The following DOCK3 variants were observed in gnomAD, a reference collection of about 807,000 sequenced individuals.
The protein encoded by DOCK3 is dedicator of cytokinesis 3, also known as dedicator of cytokinesis protein 3.
A neutral mutation model predicts 265.6 loss-of-function variants in DOCK3; 60 were observed. The ratio of observed to expected loss-of-function variants is 0.23; its 90% CI spans 0.18 to 0.28. The LOEUF is 0.28. Ranked by LOEUF, DOCK3 falls within the 10% of genes least tolerant of loss-of-function variation. The pLI is 1.00. For synonymous variants in DOCK3, 881 were observed against 938.0 expected (o/e 0.94, Z 1.11); for missense variants, 1,981 against 2,594.3 (o/e 0.76, Z 5.14).
chr3:50,753,975 G>A (rs2039996594), intron 1 of DOCK3, among the ~76,000 whole-genome samples: 1 of 151,972 alleles, frequency 6.6e-6, no homozygotes, highest in Admixed American at 6.6e-5. Context: ...GGCCAACATA[G>A]TGAAACCCCG....
rs746356595 is a variant in DOCK3, at chr3:51,214,179, A to G, written c.1184A>G (p.Asn395Ser). The change falls in exon 14 of 53, where the codon AAT becomes AGT. Residue 395 changes from asparagine (N) to serine (S), a missense_variant. Asn to Ser is a conservative substitution (Grantham distance 46, BLOSUM62 1). This residue lies in a region of DOCK3 where 456 missense variants were observed against 539.0 expected (regional missense o/e 0.85). Coordinates refer to ENST00000266037, the MANE Select transcript of DOCK3 (RefSeq NM_004947.5). ...GACATGGAACAGATTCGGAGAGAAA[A>G]TCCCATGATATTTAATAGGGGATTG... The part of the protein sequence containing the change: ...RGDMEQIRRE[N>S]PMIFNRGLAI... 1.9e-6 allele frequency: 3 copies of G among 1,613,838 alleles called. No homozygotes were observed. The South Asian group carries it at 3.3e-5, about 18-fold the overall frequency.
chr3:51,079,958 CCTGTTGTCTTCTTGTGTCA>C, intron 7 of DOCK3, among the ~76,000 whole-genome samples: 1 of 152,092 alleles, frequency 6.6e-6, no homozygotes, highest in Non-Finnish European at 1.5e-5. Context: ...TTTGTGTTTG[CCTGTTGTCTTCTTGTGTCA>C]ATTAATATTT....
At chr3:50,976,928 G>A (rs1371946266) in intron 5 of DOCK3, among the ~76,000 whole-genome samples, 1 of 150,130 alleles carries the variant, frequency 6.7e-6, no homozygotes, top group Non-Finnish European at 1.5e-5. Context: ...GATCTTTATT[G>A]GTTTAAAGTC....
At chr3:51,352,839 A>C (rs1002833966) in intron 40 of DOCK3, among the ~76,000 whole-genome samples, 1 of 152,170 alleles carries the variant, frequency 6.6e-6, no homozygotes, top group Non-Finnish European at 1.5e-5. Context: ...TGCCCAAGTG[A>C]ATATGAAACC....
At chr3:50,696,581 C>T (rs1480170880) in intron 1 of DOCK3, among the ~76,000 whole-genome samples, 2 of 152,014 alleles carry the variant, frequency 1.3e-5, no homozygotes, top group Non-Finnish European at 2.9e-5. Context: ...ATTCAGGTCA[C>T]AGGGGACAGT....
rs2033881639 is a variant in DOCK3 at position 50,675,500 on chromosome 3, C to G, written c.37+200C>G. Reference sequence around the variant, plus strand: ...GGCGCGGGTCTCTGTGCAGAGAGGGCGGCAGGGGGCGCTGGCGGTGCGGCC... The same window carrying G: ...GGCGCGGGTCTCTGTGCAGAGAGGGGGGCAGGGGGCGCTGGCGGTGCGGCC... On this transcript the variant is annotated intron_variant, in intron 1 of 52. Transcript: ENST00000266037. The surrounding 1 kb of genome is among the most constrained non-coding windows in gnomAD (Gnocchi z 6.1). Among the ~76,000 whole-genome samples the G allele has an allele frequency of 6.6e-6, 1 of 151,612 alleles. No individual in the cohort carries two copies. Among genetic ancestry groups the G allele is most frequent in the African/African-American group, 2.4e-5 (1 of 41,298 alleles).
Position 50,736,248 on chromosome 3 carries a change from G to A in DOCK3, c.38-42427G>A, listed in dbSNP as rs369562515. Among the ~76,000 whole-genome samples, 9 of 152,260 alleles carry A rather than the reference G, an allele frequency of 5.9e-5. No homozygotes were observed. The East Asian group carries it at 1.5e-3, about 26-fold the overall frequency. On this transcript the variant is annotated intron_variant, in intron 1 of 52. Coordinates refer to ENST00000266037, the MANE Select transcript of DOCK3 (RefSeq NM_004947.5). ...CATGAACTCATCCTTTTTTATGGCA[G>A]CATAGTATTCCATGGTGTATATGTG...
chr3:50,696,030 G>T (rs1298235614), intron 1 of DOCK3, among the ~76,000 whole-genome samples: 2 of 152,204 alleles, frequency 1.3e-5, no homozygotes, highest in Non-Finnish European at 1.5e-5. Flanking sequence ...AACACGGTTT[G>T]AACAGAATCA....
chr3:51,230,674 G>A (rs937200310), intron 19 of DOCK3, among the ~76,000 whole-genome samples: 1 of 151,968 alleles, frequency 6.6e-6, no homozygotes, highest in African/African-American at 2.4e-5. Context: ...GTGCCACCAC[G>A]CCCAGCAAAT....
intron 5 of DOCK3, among the ~76,000 whole-genome samples, chr3:51,026,022 C>G (rs1010718712): frequency 1.3e-5 from 2 of 151,808 alleles, no homozygotes; most frequent in Non-Finnish European, 2.9e-5. Context: ...TTTGATTTTT[C>G]TATTAAGTTC....
At chr3:50,993,905 C>G (rs1190513244) in intron 5 of DOCK3, among the ~76,000 whole-genome samples, 3 of 152,200 alleles carry the variant, frequency 2.0e-5, no homozygotes, top group Non-Finnish European at 2.9e-5. Context: ...ATTGTCTGCC[C>G]TGTGCTGCCT....
At chr3:50,926,944 A>T (rs564445665) in intron 4 of DOCK3, among the ~76,000 whole-genome samples, 1 of 152,126 alleles carries the variant, frequency 6.6e-6, no homozygotes, top group Non-Finnish European at 1.5e-5. Context: ...AATATGTTAG[A>T]TCATGTTACT....
intron 9 of DOCK3, among the ~76,000 whole-genome samples, chr3:51,135,649 AC>A (rs1449567493): frequency 3.3e-5 from 5 of 152,114 alleles, no homozygotes; most frequent in African/African-American, 1.2e-4. Flanking sequence ...AATTCTTCAC[AC>A]GTAAATAATC....
At chr3:50,944,395 G>T (rs1011583863) in intron 5 of DOCK3, among the ~76,000 whole-genome samples, 1 of 152,124 alleles carries the variant, frequency 6.6e-6, no homozygotes, top group African/African-American at 2.4e-5. Context: ...TCTCAATACT[G>T]CACTTGACTG....
At chr3:50,885,742 T>G (rs1238078901) in intron 3 of DOCK3, among the ~76,000 whole-genome samples, 2 of 152,090 alleles carry the variant, frequency 1.3e-5, no homozygotes, top group African/African-American at 4.8e-5. Context: ...TAGAAGGTTT[T>G]GGGGTCCCTA....
intron 1 of DOCK3, among the ~76,000 whole-genome samples, chr3:50,726,168 C>G (rs2037809785): frequency 6.6e-6 from 1 of 152,034 alleles, no homozygotes; most frequent in Admixed American, 6.6e-5. Context: ...TTTTTAAAAG[C>G]CTGTATATGT....
intron 38 of DOCK3, among the ~76,000 whole-genome samples, chr3:51,347,206 T>A (rs2085645070): frequency 1.3e-5 from 2 of 152,238 alleles, no homozygotes; most frequent in Admixed American, 6.5e-5. Flanking sequence ...AGTCATGAAG[T>A]CCTTGCCCAT....
intron 4 of DOCK3, among the ~76,000 whole-genome samples, chr3:50,905,739 T>C (rs1408452344): frequency 6.6e-6 from 1 of 152,078 alleles, no homozygotes; most frequent in African/African-American, 2.4e-5. Flanking sequence ...CTTTTCCTAA[T>C]TGAATGCCCT....
At chr3:50,905,337 A>G (rs1210807717) in intron 4 of DOCK3, among the ~76,000 whole-genome samples, 2 of 151,472 alleles carry the variant, frequency 1.3e-5, no homozygotes, top group Non-Finnish European at 3.0e-5. Flanking sequence ...CATTGAATCT[A>G]TAAATTACCT....
Sources: allele counts gnomAD v4.1 joint callset (sites outside exome capture counted in the v4.1 genomes callset), GRCh38; gene constraint gnomAD v4.1.1; regional missense constraint gnomAD v4.1.1; non-coding constraint Gnocchi (gnomAD v3.1); transcripts MANE v1.5; gene names NCBI Gene and HGNC (gene_info 2026-07-23, HGNC 2026-07-21).